Variants in RPL36A observed in about 807,000 individuals in gnomAD.
RPL36A encodes large ribosomal subunit protein eL42.
For synonymous variants in RPL36A, 25 were observed against 28.5 expected, an observed-to-expected ratio of 0.88 and a Z score of 0.39; for missense variants, 20 against 81.0, an observed-to-expected ratio of 0.25 and a Z score of 2.89.
intron 1 of RPL36A, 125 bp from the exon 2 acceptor site, chrX:101,391,334 C>A: frequency 1.2e-6 from 1 of 868,944 alleles, no homozygotes; most frequent in Non-Finnish European, 1.7e-6. Context: ...CTGGCCCACC[C>A]TGTAGTCAGA....
chrX:101,391,970 G>A (rs1470865612), intron 3 of RPL36A, 148 bp downstream of exon 3: 9 of 1,176,880 alleles, frequency 7.6e-6, no homozygotes, highest in Non-Finnish European at 8.0e-6. Flanking sequence ...GATGGAGCTG[G>A]GAATGCAACT....
rs782142064 is a variant in RPL36A, at chrX:101,391,043, C to T, written c.-1C>T. On this transcript the variant is annotated 5_prime_UTR_variant, in exon 1 of 5. Coordinates refer to ENST00000553110, the MANE Select transcript of RPL36A (RefSeq NM_021029.6). ...TCCGCGCCGATAGCGCTCACGCAAG[C>T]ATGGTAGGACTTGCTGGTGGGGGCC... is the stretch of plus-strand genomic sequence containing the variant. The T allele has an allele frequency of 4.1e-6, 5 of 1,211,125 alleles. No homozygotes were observed. The Admixed American group carries it at 8.7e-5, about 21-fold the overall frequency.
intron 3 of RPL36A, among the ~76,000 whole-genome samples, chrX:101,394,775 AAT>A (rs1400063594): frequency 1.1e-4 from 9 of 81,654 alleles, no homozygotes; most frequent in African/African-American, 2.7e-4. Context: ...TTATATATAT[AAT>A]ATATATATAT....
chrX:101,394,327 A>G (rs1467954972), intron 3 of RPL36A, among the ~76,000 whole-genome samples: 2 of 110,007 alleles, frequency 1.8e-5, no homozygotes, highest in Non-Finnish European at 3.8e-5. Flanking sequence ...CATCTCAAAA[A>G]AAAAAAAAAA....
intron 4 of RPL36A, 65 bp from the exon 5 acceptor site, chrX:101,395,662 TA>T: frequency 8.7e-7 from 1 of 1,146,565 alleles, no homozygotes; most frequent in East Asian, 3.0e-5. Context: ...TAGGAACAGA[TA>T]ATGTTCTTAA....
intron 3 of RPL36A, 129 bp downstream of exon 3, chrX:101,391,951 C>G: frequency 8.4e-7 from 1 of 1,186,332 alleles, no homozygotes; most frequent in Non-Finnish European, 1.1e-6. Flanking sequence ...ACTGATATAT[C>G]TAGTAGGTGA....
intron 1 of RPL36A, 62 bp downstream of exon 1, chrX:101,391,108 C>T: frequency 8.8e-7 from 1 of 1,139,624 alleles, no homozygotes; most frequent in Non-Finnish European, 1.2e-6. Context: ...CTTCGTCGCC[C>T]GTGCTATGCC....
intron 3 of RPL36A, chrX:101,392,325 C>A: frequency 2.3e-6 from 2 of 865,759 alleles, no homozygotes; most frequent in Non-Finnish European, 2.8e-6. Context: ...TCTGTTTACT[C>A]TCAAACCTTA....
intron 1 of RPL36A, 67 bp downstream of exon 1, chrX:101,391,113 T>C: frequency 9.0e-7 from 1 of 1,114,567 alleles, no homozygotes; most frequent in Non-Finnish European, 1.2e-6. Flanking sequence ...TCGCCCGTGC[T>C]ATGCCGGGAT....
intron 3 of RPL36A, among the ~76,000 whole-genome samples, chrX:101,394,935 C>T (rs3951758): frequency 0.037 from 3,863 of 103,971 alleles, 202 homozygotes; most frequent in African/African-American, 0.13. Context: ...ATTATAGACA[C>T]GTGCCACCAT....
rs1161897842 is a variant in RPL36A, at chrX:101,395,938, C to A, written c.*190C>A. On this transcript the variant is annotated 3_prime_UTR_variant, in exon 5 of 5. Transcript: ENST00000553110. Reference sequence around the variant, plus strand: ...CTGGTTGAGTTCACATCATATGTTGCAATTTTCTAATTTGGCACTTCAATC... The same window carrying A: ...CTGGTTGAGTTCACATCATATGTTGAAATTTTCTAATTTGGCACTTCAATC... The A allele has an allele frequency of 9.4e-6, 4 of 426,914 alleles. No homozygotes were observed. In the African/African-American group the frequency reaches 1.0e-4, roughly 11 times the overall value. 35.2% of individuals were successfully genotyped at this position (426,914 alleles called of 1,213,427 possible). A position where few individuals can be genotyped will look rare whatever the true frequency, so the allele number is the denominator to read the frequency against.
intron 3 of RPL36A, chrX:101,392,737 T>C (rs1444958036): frequency 7.6e-6 from 3 of 392,824 alleles, no homozygotes; most frequent in Non-Finnish European, 9.7e-6. Context: ...CAAAGAGATA[T>C]CTGCACTCCT....
Position 101,391,023 on chromosome X carries a change from G to C in RPL36A, c.-21G>C. The C allele has an allele frequency of 3.3e-6, 4 of 1,212,072 alleles. No homozygotes were observed. The highest frequency in any genetic ancestry group is 1.8e-5 in the South Asian group (1 of 57,008). On this transcript the variant is annotated 5_prime_UTR_variant, in exon 1 of 5. Transcript: ENST00000553110. The stretch of plus-strand genomic sequence containing the variant: ...TGCCTCGCGGTTTCTTTCTTTCCGC[G>C]CCGATAGCGCTCACGCAAGCATGGT...
In RPL36A at chrX:101,391,033, C is replaced by T. The variant is rs1927773253; in HGVS notation, c.-11C>T. 8.3e-7 allele frequency: 1 copy of T among 1,210,847 alleles called. No homozygotes were observed. Among genetic ancestry groups the T allele is most frequent in the South Asian group, 1.8e-5 (1 of 56,919 alleles). On this transcript the variant is annotated 5_prime_UTR_variant, in exon 1 of 5. Transcript: ENST00000553110. The stretch of plus-strand genomic sequence containing the variant: ...TTTCTTTCTTTCCGCGCCGATAGCG[C>T]TCACGCAAGCATGGTAGGACTTGCT...
intron 1 of RPL36A, 160 bp from the exon 2 acceptor site, chrX:101,391,299 G>GA (rs1182567204): frequency 1.2e-5 from 8 of 671,252 alleles, no homozygotes; most frequent in African/African-American, 4.4e-5. Flanking sequence ...ACGGAGGGAG[G>GA]AAGCTCTGCT....
rs552090232 is a variant in RPL36A, at chrX:101,394,136, C to A, written c.178-1199C>A. On this transcript the variant is annotated intron_variant, in intron 3 of 4. Coordinates refer to ENST00000553110, the MANE Select transcript of RPL36A (RefSeq NM_021029.6). Reference sequence around the variant, plus strand: ...CCTGAGGTCAGGGGATCAAGACCAGCCTGTCCAACATGATGAAACCCCCAT... The same window carrying A: ...CCTGAGGTCAGGGGATCAAGACCAGACTGTCCAACATGATGAAACCCCCAT... Among the ~76,000 whole-genome samples, 395 of 110,557 alleles carry A rather than the reference C, an allele frequency of 3.6e-3. 1 individual carries two copies. The highest frequency in any genetic ancestry group is 0.023 in the Middle Eastern group (5 of 213).
intron 3 of RPL36A, 193 bp from the exon 4 acceptor site, chrX:101,395,142 T>G (rs1603034256): frequency 1.6e-5 from 5 of 306,901 alleles, no homozygotes; most frequent in Non-Finnish European, 2.7e-5. Flanking sequence ...TTAAATTCAC[T>G]GATTTTTAGA....
At chrX:101,391,279 T>C in intron 1 of RPL36A, 180 bp from the exon 2 acceptor site, 1 of 619,052 alleles carries the variant, frequency 1.6e-6, no homozygotes, top group Non-Finnish European at 2.6e-6. Flanking sequence ...TCTTCCCTCT[T>C]TGGGGCTCGA....
chrX:101,391,633 GTC>G (rs782160186), intron 2 of RPL36A, 69 bp downstream of exon 2: 28 of 1,194,742 alleles, frequency 2.3e-5, no homozygotes, highest in South Asian at 5.3e-5. Context: ...ACGAGTCCGG[GTC>G]TCTCTCCCTC....
Sources: allele counts gnomAD v4.1 joint callset (sites outside exome capture counted in the v4.1 genomes callset), GRCh38; gene constraint gnomAD v4.1.1; transcripts MANE v1.5; gene names NCBI Gene and HGNC (gene_info 2026-07-23, HGNC 2026-07-21).